CEP128: variants seen among roughly 807,000 people sequenced by gnomAD.
CEP128 encodes centrosomal protein 128.
A neutral mutation model predicts 156.7 loss-of-function variants in CEP128; 132 were observed. The observed-to-expected ratio is 0.84, with a 90% CI of 0.73 to 0.97. The LOEUF is 0.97. Among genes scored for constraint, CEP128 ranks in the 50% least tolerant of loss-of-function variants. The probability of loss-of-function intolerance (pLI) is 0.00; values close to 1 mark genes in which losing one functional copy is unlikely to be tolerated. For synonymous variants in CEP128, 469 were observed against 448.9 expected (o/e 1.04, Z -0.57); for missense variants, 1,252 against 1,281.9 (o/e 0.98, Z 0.36).
intron 14 of CEP128, among the ~76,000 whole-genome samples, 174 bp from the exon 15 acceptor site, chr14:80,785,719 G>C (rs976441258): frequency 6.6e-6 from 1 of 151,950 alleles, no homozygotes; most frequent in Admixed American, 6.6e-5. Flanking sequence ...CCAGAAAGGT[G>C]GGGGGGAATA....
intron 8 of CEP128, among the ~76,000 whole-genome samples, chr14:80,868,989 A>G (rs752976690): frequency 1.3e-5 from 2 of 152,126 alleles, no homozygotes; most frequent in Non-Finnish European, 2.9e-5. Flanking sequence ...ACCTAAATAT[A>G]TAAAGCAAAT....
chr14:80,585,511 C>A (rs1007966243), intron 19 of CEP128, among the ~76,000 whole-genome samples: 1 of 152,184 alleles, frequency 6.6e-6, no homozygotes, highest in Non-Finnish European at 1.5e-5. Context: ...CTATATTTTT[C>A]TTTAACCATT....
chr14:80,501,581 T>C (rs1887737171), intron 24 of CEP128, among the ~76,000 whole-genome samples: 1 of 151,986 alleles, frequency 6.6e-6, no homozygotes, highest in Admixed American at 6.6e-5. Context: ...CTTGGCTCAC[T>C]GCAACCTCCG....
At chr14:80,503,885 C>T (rs1353675032) in intron 24 of CEP128, among the ~76,000 whole-genome samples, 1 of 152,126 alleles carries the variant, frequency 6.6e-6, no homozygotes, top group African/African-American at 2.4e-5. Context: ...AACCACACCA[C>T]TTATCAGAAA....
chr14:80,891,713 C>G (rs1889110455), intron 8 of CEP128, among the ~76,000 whole-genome samples: 1 of 151,412 alleles, frequency 6.6e-6, no homozygotes, highest in African/African-American at 2.4e-5. Context: ...TTGTTTGTAA[C>G]AAAGAATAAA....
chr14:80,903,444 G>A (rs963591822), intron 6 of CEP128, among the ~76,000 whole-genome samples: 5 of 151,994 alleles, frequency 3.3e-5, no homozygotes, highest in Admixed American at 1.3e-4. Context: ...TTTAGGCAAT[G>A]GTTTCTTGGA....
intron 19 of CEP128, among the ~76,000 whole-genome samples, chr14:80,742,208 C>A (rs1898867402): frequency 6.6e-6 from 1 of 152,152 alleles, no homozygotes; most frequent in South Asian, 2.1e-4. Context: ...TGGGCCTTCA[C>A]AATACTTCTT....
intron 16 of CEP128, among the ~76,000 whole-genome samples, chr14:80,774,144 G>A (rs1900661637): frequency 6.6e-6 from 1 of 152,164 alleles, no homozygotes; most frequent in Non-Finnish European, 1.5e-5. Context: ...CAAGGGCAGT[G>A]TTCTCCCACT....
At chr14:80,933,122 T>C (rs1885564210) in intron 2 of CEP128, among the ~76,000 whole-genome samples, 2 of 152,120 alleles carry the variant, frequency 1.3e-5, no homozygotes, top group South Asian at 4.2e-4. Context: ...ACAGACAACC[T>C]CACAGTCAAT....
chr14:80,721,051 G>A (rs1337989216), intron 19 of CEP128, among the ~76,000 whole-genome samples: 3 of 151,984 alleles, frequency 2.0e-5, no homozygotes, highest in African/African-American at 4.8e-5. Context: ...AAAAAGTTAC[G>A]TAGAAAATTT....
At chr14:80,540,661 T>A (rs1360742008) in intron 21 of CEP128, among the ~76,000 whole-genome samples, 1 of 152,172 alleles carries the variant, frequency 6.6e-6, no homozygotes, top group Non-Finnish European at 1.5e-5. Context: ...AATATCAGGA[T>A]GTCATTTGGA....
intron 19 of CEP128, among the ~76,000 whole-genome samples, chr14:80,722,008 T>C (rs1274939379): frequency 6.6e-6 from 1 of 152,200 alleles, no homozygotes; most frequent in Non-Finnish European, 1.5e-5. Flanking sequence ...TGGTTTATAG[T>C]TTTACGGAAG....
At chr14:80,483,004 G>A (rs1001068910) in intron 14 of CEP128, among the ~76,000 whole-genome samples, 1 of 152,168 alleles carries the variant, frequency 6.6e-6, no homozygotes, top group African/African-American at 2.4e-5. Context: ...CCAAATATTG[G>A]CAGGTCGAGA....
intron 14 of CEP128, among the ~76,000 whole-genome samples, chr14:80,481,475 A>G (rs8020396): frequency 0.3 from 44,944 of 152,108 alleles, 7,378 homozygotes; most frequent in Admixed American, 0.41. Context: ...GCCAAACCAT[A>G]CCACAAGGCT....
chr14:80,638,484 C>T (rs962796218), intron 19 of CEP128, among the ~76,000 whole-genome samples: 1 of 152,192 alleles, frequency 6.6e-6, no homozygotes, highest in Non-Finnish European at 1.5e-5. Context: ...GTGCGTAGGG[C>T]TCTGTAGTTC....
upstream of CEP128, among the ~76,000 whole-genome samples, chr14:80,943,935 A>G (rs969172948): frequency 6.6e-6 from 1 of 151,626 alleles, no homozygotes; most frequent in Non-Finnish European, 1.5e-5. Context: ...TGGAGGTTGC[A>G]GTGAGCTGAG....
intron 19 of CEP128, among the ~76,000 whole-genome samples, chr14:80,741,378 C>T (rs539959747): frequency 6.6e-5 from 10 of 152,090 alleles, no homozygotes; most frequent in African/African-American, 2.2e-4. Context: ...GTCTTTGTTA[C>T]CCCTTATAAC....
At chr14:80,739,777 C>G (rs184053437) in intron 19 of CEP128, among the ~76,000 whole-genome samples, 1 of 151,824 alleles carries the variant, frequency 6.6e-6, no homozygotes, top group Non-Finnish European at 1.5e-5. Flanking sequence ...TAGAGGATAC[C>G]GTCACGAAAT....
intron 16 of CEP128, among the ~76,000 whole-genome samples, chr14:80,767,618 C>A (rs925442547): frequency 2.6e-5 from 4 of 151,950 alleles, no homozygotes; most frequent in African/African-American, 9.7e-5. Context: ...AATAACACAC[C>A]CCTCCTTCCT....
Sources: gnomAD v4.1 joint callset for allele counts (sites outside exome capture counted in the v4.1 genomes callset) on GRCh38, gnomAD v4.1.1 for gene constraint, MANE v1.5 for transcripts, NCBI Gene and HGNC (gene_info 2026-07-23, HGNC 2026-07-21) for gene names.